Variants in BMAL2 observed in about 807,000 individuals in gnomAD.
BMAL2 encodes the protein basic helix-loop-helix ARNT-like protein 2.
chr12:27,410,459 G>A, the BMAL2 span, among the ~76,000 whole-genome samples: 1 of 152,150 alleles, frequency 6.6e-6, no homozygotes, highest in African/African-American at 2.4e-5. Context: ...CATGGATGAA[G>A]CTGGAAACCA....
the BMAL2 span, among the ~76,000 whole-genome samples, chr12:27,377,771 C>A: frequency 6.6e-6 from 1 of 152,044 alleles, no homozygotes; most frequent in Non-Finnish European, 1.5e-5. Context: ...TCTAATTGCT[C>A]ACAAATAGAA....
the BMAL2 span, among the ~76,000 whole-genome samples, chr12:27,334,012 T>C: frequency 1.3e-5 from 2 of 152,170 alleles, no homozygotes; most frequent in South Asian, 4.1e-4. Flanking sequence ...AGGGAAGCAG[T>C]TAATTCTCCC....
At chr12:27,377,825 A>T in the BMAL2 span, among the ~76,000 whole-genome samples, 2 of 152,170 alleles carry the variant, frequency 1.3e-5, no homozygotes, top group Non-Finnish European at 2.9e-5. Flanking sequence ...ATACAATTTA[A>T]TCTGAATCCT....
chr12:27,339,640 T>C, the BMAL2 span, among the ~76,000 whole-genome samples: 1 of 152,064 alleles, frequency 6.6e-6, no homozygotes, highest in Non-Finnish European at 1.5e-5. Context: ...TTTTTTTTTT[T>C]TTGAGACGGA....
chr12:27,362,799 G>A, the BMAL2 span, among the ~76,000 whole-genome samples: 1 of 151,642 alleles, frequency 6.6e-6, no homozygotes, highest in African/African-American at 2.4e-5. Context: ...CAGCATTATC[G>A]GTTTTTGTTG....
the BMAL2 span, among the ~76,000 whole-genome samples, chr12:27,369,736 G>C: frequency 6.6e-6 from 1 of 152,164 alleles, no homozygotes; most frequent in Non-Finnish European, 1.5e-5. Flanking sequence ...AGGTAGCCCA[G>C]CTTCATGCCA....
chr12:27,375,029 T>A, the BMAL2 span, among the ~76,000 whole-genome samples: 2 of 152,244 alleles, frequency 1.3e-5, no homozygotes, highest in Non-Finnish European at 2.9e-5. Flanking sequence ...TGATTAAATT[T>A]TCTATAAGTG....
the BMAL2 span, among the ~76,000 whole-genome samples, chr12:27,365,511 G>T: frequency 6.6e-6 from 1 of 151,918 alleles, no homozygotes; most frequent in Non-Finnish European, 1.5e-5. Flanking sequence ...GGGGGTCAGG[G>T]TAGTCCCTCT....
At chr12:27,410,268 T>A in the BMAL2 span, among the ~76,000 whole-genome samples, 1 of 152,218 alleles carries the variant, frequency 6.6e-6, no homozygotes, top group African/African-American at 2.4e-5. Flanking sequence ...GGATTATAAA[T>A]TATGCTGCTT....
At chr12:27,411,113 G>A in the BMAL2 span, among the ~76,000 whole-genome samples, 1 of 151,966 alleles carries the variant, frequency 6.6e-6, no homozygotes, top group African/African-American at 2.4e-5. Context: ...GTAGTATACA[G>A]AATAGTTATT....
At chr12:27,339,922 C>T in the BMAL2 span, among the ~76,000 whole-genome samples, 14 of 151,954 alleles carry the variant, frequency 9.2e-5, no homozygotes, top group Admixed American at 7.2e-4. Context: ...CTCTTCATGT[C>T]CTTTGCCCAC....
chr12:27,422,372 C>T, the BMAL2 span: 2 of 152,176 alleles, frequency 1.3e-5, no homozygotes, highest in African/African-American at 4.8e-5. Flanking sequence ...ATTATTTTGA[C>T]CCTGCATGCT....
chr12:27,350,179 CTT>C, the BMAL2 span, among the ~76,000 whole-genome samples: 1 of 152,234 alleles, frequency 6.6e-6, no homozygotes, highest in Admixed American at 6.5e-5. Flanking sequence ...TTTGTAGACT[CTT>C]TGATGCCACA....
At chr12:27,372,836 G>A in the BMAL2 span, among the ~76,000 whole-genome samples, 1 of 151,960 alleles carries the variant, frequency 6.6e-6, no homozygotes, top group East Asian at 1.9e-4. Context: ...ACCACACCTG[G>A]CTAATTTTTT....
chr12:27,333,055 G>T, the BMAL2 span: 1 of 1,200,478 alleles, frequency 8.3e-7, no homozygotes, highest in South Asian at 4.2e-5. Flanking sequence ...CTGCGGAGCC[G>T]ACCAAGTGGC....
At chr12:27,401,949 G>A in the BMAL2 span, among the ~76,000 whole-genome samples, 1 of 152,144 alleles carries the variant, frequency 6.6e-6, no homozygotes, top group South Asian at 2.1e-4. Context: ...ACCCTCCATG[G>A]CCATTCAGTA....
At chr12:27,359,552 C>T in the BMAL2 span, among the ~76,000 whole-genome samples, 18 of 151,806 alleles carry the variant, frequency 1.2e-4, no homozygotes, top group African/African-American at 3.4e-4. Flanking sequence ...TATGGTGGTA[C>T]GTGCCTGTAG....
the BMAL2 span, among the ~76,000 whole-genome samples, chr12:27,356,116 G>T: frequency 2.0e-5 from 3 of 152,296 alleles, no homozygotes; most frequent in Admixed American, 2.0e-4. Flanking sequence ...CCCCAACCAA[G>T]ATGGAGAGGG....
At chr12:27,360,906 C>T in the BMAL2 span, among the ~76,000 whole-genome samples, 9 of 149,550 alleles carry the variant, frequency 6.0e-5, no homozygotes, top group Admixed American at 6.1e-4. Flanking sequence ...AATTAAAGGC[C>T]ACTTTCATTT....
Sources: gnomAD v4.1 joint callset for allele counts (sites outside exome capture counted in the v4.1 genomes callset) on GRCh38, gnomAD v4.1.1 for gene constraint, MANE v1.5 for transcripts, NCBI Gene and HGNC (gene_info 2026-07-23, HGNC 2026-07-21) for gene names.